Variants in CADPS2 observed in about 807,000 individuals in gnomAD.
CADPS2 encodes calcium dependent secretion activator 2.
CADPS2 carries 93 observed loss-of-function variants against 172.5 expected under a neutral mutation model. The observed-to-expected ratio is 0.54, with a 90% CI of 0.46 to 0.64. The LOEUF is 0.64. Ranked by LOEUF, CADPS2 falls within the 30% of genes least tolerant of loss-of-function variation. CADPS2 has a pLI of 0.00. For synonymous variants in CADPS2, 546 were observed against 555.2 expected (o/e 0.98, Z 0.23); for missense variants, 1,420 against 1,565.9 (o/e 0.91, Z 1.57).
intron 1 of CADPS2, among the ~76,000 whole-genome samples, chr7:122,804,694 T>C (rs929447908): frequency 2.0e-5 from 3 of 152,202 alleles, no homozygotes; most frequent in African/African-American, 7.2e-5. Flanking sequence ...CAATGCATCA[T>C]AAAGGGTCAG....
chr7:122,772,812 C>T (rs1033582069), intron 1 of CADPS2, among the ~76,000 whole-genome samples: 3 of 151,912 alleles, frequency 2.0e-5, no homozygotes, highest in African/African-American at 7.3e-5. Flanking sequence ...ACAGACTATG[C>T]CTAGATAAGA....
At chr7:122,529,156 G>A (rs759246858) in intron 8 of CADPS2, among the ~76,000 whole-genome samples, 1 of 151,934 alleles carries the variant, frequency 6.6e-6, no homozygotes, top group African/African-American at 2.4e-5. Flanking sequence ...AAACCACTCC[G>A]AAACAAAATC....
chr7:122,736,831 AG>A (rs2092184980), intron 2 of CADPS2, 123 bp downstream of exon 2: 1 of 579,528 alleles, frequency 1.7e-6, no homozygotes, highest in South Asian at 2.3e-5. Context: ...GCTTTCAAAA[AG>A]GTTGCAAATT....
intron 2 of CADPS2, among the ~76,000 whole-genome samples, chr7:122,730,161 T>G (rs1328517142): frequency 6.6e-6 from 1 of 151,674 alleles, no homozygotes; most frequent in East Asian, 1.9e-4. Context: ...ATTAAGAAAA[T>G]GAACATGTAA....
At chr7:122,602,657 G>C (rs2072961639) in intron 6 of CADPS2, among the ~76,000 whole-genome samples, 1 of 151,948 alleles carries the variant, frequency 6.6e-6, no homozygotes, top group Non-Finnish European at 1.5e-5. Context: ...CTCCCACTCT[G>C]CTTGGATCTC....
chr7:122,597,475 T>A (rs2133376118), intron 6 of CADPS2, among the ~76,000 whole-genome samples: 1 of 152,208 alleles, frequency 6.6e-6, no homozygotes, highest in East Asian at 1.9e-4. Context: ...GTGGGACCTC[T>A]GCAAGATGAT....
intron 3 of CADPS2, among the ~76,000 whole-genome samples, chr7:122,637,157 A>G (rs1252186034): frequency 8.0e-6 from 1 of 124,532 alleles, no homozygotes; most frequent in Non-Finnish European, 1.6e-5. Flanking sequence ...TTCTGACTGC[A>G]TTATGAAATT....
chr7:122,638,600 A>G (rs1306606182), intron 3 of CADPS2, among the ~76,000 whole-genome samples: 1 of 152,124 alleles, frequency 6.6e-6, no homozygotes, highest in Admixed American at 6.5e-5. Flanking sequence ...GTCCCCACGG[A>G]CTTGAGTGTT....
chr7:122,669,104 G>A (rs769164660), intron 2 of CADPS2, among the ~76,000 whole-genome samples: 21 of 152,240 alleles, frequency 1.4e-4, no homozygotes, highest in Non-Finnish European at 2.4e-4. Flanking sequence ...GCCAAGGTAA[G>A]CAGATGGCTT....
chr7:122,413,695 T>A (rs74384170), intron 19 of CADPS2, among the ~76,000 whole-genome samples: 8,423 of 152,214 alleles, frequency 0.055, 752 homozygotes, highest in African/African-American at 0.19. Context: ...AGTCCACCAA[T>A]TCACTCTGGA....
rs112112751 is a variant in CADPS2, at chr7:122,871,184, G to GA, written c.339+14814dup. Among the ~76,000 whole-genome samples the GA allele has an allele frequency of 3.3e-3, 474 of 141,674 alleles. 1 individual carries two copies. The highest frequency in any genetic ancestry group is 9.0e-3 in the African/African-American group (351 of 39,116). 92.9% of individuals were successfully genotyped at this position (141,674 alleles called of 152,430 possible). On this transcript the variant is annotated intron_variant, in intron 1 of 29. Transcript: ENST00000449022. ...AGGGGAGAGATTGCCACAGTGCTGG[G>GA]AAAAAAAAAAAAATTACACCCTGGT...
chr7:122,338,309 G>A (rs1264388127), intron 28 of CADPS2, among the ~76,000 whole-genome samples: 1 of 152,150 alleles, frequency 6.6e-6, no homozygotes, highest in Non-Finnish European at 1.5e-5. Context: ...AGGAAGAATT[G>A]CTTGAGCCCA....
chr7:122,436,368 T>C, intron 17 of CADPS2: 1 of 1,279,362 alleles, frequency 7.8e-7, no homozygotes, highest in Non-Finnish European at 1.0e-6. Flanking sequence ...ACCTGTTTCC[T>C]TTTCTGCTGG....
chr7:122,614,442 G>C (rs771856449), intron 6 of CADPS2, among the ~76,000 whole-genome samples: 3 of 151,718 alleles, frequency 2.0e-5, no homozygotes, highest in Non-Finnish European at 4.4e-5. Flanking sequence ...ATTATAATAA[G>C]GCAAAATCCT....
intron 1 of CADPS2, among the ~76,000 whole-genome samples, chr7:122,885,334 T>G (rs1022060106): frequency 6.6e-6 from 1 of 151,992 alleles, no homozygotes; most frequent in African/African-American, 2.4e-5. Flanking sequence ...CAATCCTTTA[T>G]CTTTCATCAG....
At chr7:122,861,527 T>C (rs1816939167) in intron 1 of CADPS2, among the ~76,000 whole-genome samples, 1 of 152,238 alleles carries the variant, frequency 6.6e-6, no homozygotes, top group Non-Finnish European at 1.5e-5. Context: ...CAGTTTATAA[T>C]TTCTCTCATT....
In CADPS2 at chr7:122,598,131, C is replaced by T. The variant is rs1430041400; in HGVS notation, c.1224-16841G>A. Reference sequence around the variant, plus strand: ...CAATTGTTTTGTGAGTCCTTATTTCCATAGGCAAAAGTCAGAAGTAAGCAA... The same window carrying T: ...CAATTGTTTTGTGAGTCCTTATTTCTATAGGCAAAAGTCAGAAGTAAGCAA... On this transcript the variant is annotated intron_variant, in intron 6 of 29. Transcript: ENST00000449022. Among the ~76,000 whole-genome samples the T allele has an allele frequency of 3.3e-5, 5 of 151,900 alleles. No homozygotes were observed. The South Asian group carries it at 1.0e-3, about 32-fold the overall frequency.
At position 122,684,022 on chromosome 7, in the gene CADPS2, G is replaced by A. The variant is rs78023372; in HGVS notation, c.454-20453C>T. ...CACCTGTGACCCTTAACTAAAATAA[G>A]TGGATAATTGTCTTACTTACTTACT... On this transcript the variant is annotated intron_variant, in intron 2 of 29. Coordinates refer to ENST00000449022, the MANE Select transcript of CADPS2 (RefSeq NM_017954.11). Among the ~76,000 whole-genome samples, 1,428 of 152,220 alleles carry A rather than the reference G, an allele frequency of 9.4e-3. 16 individuals are homozygous for A. Among genetic ancestry groups the A allele is most frequent in the African/African-American group, 0.033 (1,357 of 41,538 alleles).
chr7:122,741,422 A>C (rs1195428511), intron 1 of CADPS2, among the ~76,000 whole-genome samples: 1 of 152,156 alleles, frequency 6.6e-6, no homozygotes, highest in African/African-American at 2.4e-5. Flanking sequence ...ACAACCCTTA[A>C]AATAAGCTAT....
Sources: gnomAD v4.1 joint callset for allele counts (sites outside exome capture counted in the v4.1 genomes callset) on GRCh38, gnomAD v4.1.1 for gene constraint, MANE v1.5 for transcripts, NCBI Gene and HGNC (gene_info 2026-07-23, HGNC 2026-07-21) for gene names.